KCNA6: variants seen among roughly 807,000 people sequenced by gnomAD.
KCNA6 encodes potassium voltage-gated channel subfamily A member 6.
KCNA6 carries 17 observed loss-of-function variants against 29.5 expected under a neutral mutation model. The ratio of observed to expected loss-of-function variants is 0.58; its 90% confidence interval spans 0.39 to 0.86. The LOEUF is 0.86. Among genes scored for constraint, KCNA6 ranks in the 40% least tolerant of loss-of-function variants. The probability of loss-of-function intolerance (pLI) is 0.00; values close to 1 mark genes in which losing one functional copy is unlikely to be tolerated. For missense variants in KCNA6, 450 were observed against 703.4 expected, an observed-to-expected ratio of 0.64 and a Z score of 4.07; for synonymous variants, 296 against 304.7, an observed-to-expected ratio of 0.97 and a Z score of 0.30.
At chr12:4,837,520 C>T in the KCNA6 span, among the ~76,000 whole-genome samples, 1 of 152,008 alleles carries the variant, frequency 6.6e-6, no homozygotes, top group Non-Finnish European at 1.5e-5. Flanking sequence ...CTGATGCTGT[C>T]TCCAGGTAGA....
chr12:4,833,200 A>G, the KCNA6 span, among the ~76,000 whole-genome samples: 1 of 152,186 alleles, frequency 6.6e-6, no homozygotes, highest in Non-Finnish European at 1.5e-5. Flanking sequence ...AAACACCACC[A>G]TTACTTTATA....
At chr12:4,850,268 G>T in the KCNA6 span, among the ~76,000 whole-genome samples, 13 of 150,284 alleles carry the variant, frequency 8.7e-5, no homozygotes, top group Non-Finnish European at 1.8e-4. This position sits in a 1 kb window ranked among gnomAD's most constrained non-coding sequence, Gnocchi z 5.4. Context: ...AGAGGAACGC[G>T]CCTGACGCTG....
In KCNA6 at chr12:4,811,277, C is replaced by T; in HGVS notation, c.1236C>T (p.Ala412=). Residue 412 remains alanine (A), a synonymous_variant, in exon 1 of 1, where the codon GCC becomes GCT. Coordinates refer to ENST00000280684, the Ensembl canonical transcript of KCNA6. The surrounding 1 kb of genome is among the most constrained non-coding windows in gnomAD (Gnocchi z 7.1). ...CGCTTTTTCCCAGCATCCCGGATGC[C>T]TTCTGGTGGGCAGTGGTTACAATGA... 6.2e-7 allele frequency: 1 copy of T among 1,614,234 alleles called. No homozygotes were observed. Among genetic ancestry groups the T allele is most frequent in the South Asian group, 1.1e-5 (1 of 91,076 alleles).
At chr12:4,818,927 C>T in the KCNA6 span, among the ~76,000 whole-genome samples, 1 of 151,908 alleles carries the variant, frequency 6.6e-6, no homozygotes, top group Non-Finnish European at 1.5e-5. Flanking sequence ...CACATACATA[C>T]ATACACAAAA....
the KCNA6 span, among the ~76,000 whole-genome samples, chr12:4,827,809 T>C: frequency 6.6e-6 from 1 of 152,222 alleles, no homozygotes; most frequent in Admixed American, 6.5e-5. Flanking sequence ...CGGTGTGTGT[T>C]CATCATTCTC....
the KCNA6 span, among the ~76,000 whole-genome samples, chr12:4,821,937 A>G: frequency 6.6e-6 from 1 of 152,062 alleles, no homozygotes; most frequent in African/African-American, 2.4e-5. Context: ...CCCAGGTTCA[A>G]GCGATTCTCC....
exon 1 of KCNA6, chr12:4,813,379 A>G (rs1441187893): frequency 1.8e-5 from 3 of 167,022 alleles, no homozygotes; most frequent in Non-Finnish European, 2.9e-5. Context: ...TGCTATGCAA[A>G]TGTGTGAATC....
At chr12:4,826,285 C>G in the KCNA6 span, among the ~76,000 whole-genome samples, 3 of 152,178 alleles carry the variant, frequency 2.0e-5, no homozygotes, top group Non-Finnish European at 4.4e-5. Context: ...TCTGACCCTC[C>G]TCTGCTCATC....
the KCNA6 span, among the ~76,000 whole-genome samples, chr12:4,849,182 C>T: frequency 6.6e-6 from 1 of 151,954 alleles, no homozygotes; most frequent in Non-Finnish European, 1.5e-5. Flanking sequence ...TCCCTAAGAA[C>T]ATGCTGTAGG....
the KCNA6 span, among the ~76,000 whole-genome samples, chr12:4,831,237 T>G: frequency 6.6e-6 from 1 of 152,230 alleles, no homozygotes; most frequent in Non-Finnish European, 1.5e-5. Context: ...AAAGTGGTCC[T>G]TGAAGTTGCA....
the KCNA6 span, among the ~76,000 whole-genome samples, chr12:4,834,413 A>G: frequency 6.6e-6 from 1 of 152,182 alleles, no homozygotes; most frequent in Non-Finnish European, 1.5e-5. Context: ...TATTAAGCCT[A>G]TAATGTGTGA....
chr12:4,811,553 T>A lies in KCNA6; in HGVS notation c.1512T>A (p.Ala504=), dbSNP rs1463748429. Reference sequence around the variant, plus strand: ...TTGGCAAGCCTGACTTCCCCGAGGCTAACCGGGAACGGAGACCCAGCTACC... The same window carrying A: ...TTGGCAAGCCTGACTTCCCCGAGGCAAACCGGGAACGGAGACCCAGCTACC... The change falls in exon 1 of 1, where the codon GCT becomes GCA. Residue 504 remains alanine (A), a synonymous_variant. Transcript: ENST00000280684. This position sits in a 1 kb window ranked among gnomAD's most constrained non-coding sequence, Gnocchi z 7.1. 5 of 1,614,080 alleles carry A rather than the reference T, an allele frequency of 3.1e-6. No individual in the cohort carries two copies. The highest frequency in any genetic ancestry group is 4.2e-6 in the Non-Finnish European group (5 of 1,180,044).
downstream of KCNA6, chr12:4,814,368 A>G (rs1946661659): frequency 6.0e-6 from 1 of 167,052 alleles, no homozygotes; most frequent in Non-Finnish European, 1.5e-5. This position sits in a 1 kb window ranked among gnomAD's most constrained non-coding sequence, Gnocchi z 4.6. Context: ...ATCTCCGCAG[A>G]GGCAGGCTCT....
chr12:4,832,479 A>G, the KCNA6 span, among the ~76,000 whole-genome samples: 1 of 152,102 alleles, frequency 6.6e-6, no homozygotes, highest in African/African-American at 2.4e-5. Context: ...CTGAGACAAT[A>G]CGCTTTTTGA....
At chr12:4,849,799 G>A in the KCNA6 span, among the ~76,000 whole-genome samples, 1 of 152,182 alleles carries the variant, frequency 6.6e-6, no homozygotes, top group African/African-American at 2.4e-5. Context: ...TGGAGTTTAT[G>A]GAAACCTTAT....
Position 4,810,722 on chromosome 12 carries a change from T to G in KCNA6, c.681T>G (p.Asp227Glu), listed in dbSNP as rs751980975. Residue 227 changes from aspartate to glutamate, a missense_variant, in exon 1 of 1, where the codon GAT becomes GAG. Coordinates refer to ENST00000280684, the Ensembl canonical transcript of KCNA6. This position sits in a 1 kb window ranked among gnomAD's most constrained non-coding sequence, Gnocchi z 7.5. ...GGGGGAGTCAGGAGGAAGAGGAGGA[T>G]GAAGACGATTCCTACACATTTCATC... The G allele has an allele frequency of 1.2e-6, 2 of 1,613,194 alleles. No homozygotes were observed. Among genetic ancestry groups the G allele is most frequent in the Non-Finnish European group, 8.5e-7 (1 of 1,179,520 alleles).
the KCNA6 span, among the ~76,000 whole-genome samples, chr12:4,846,789 TTTAA>T: frequency 8.9e-4 from 89 of 99,660 alleles, no homozygotes; most frequent in African/African-American, 3.2e-3. Context: ...TTTTTTTTTT[TTTAA>T]TTTGAGACGG....
downstream of KCNA6, among the ~76,000 whole-genome samples, chr12:4,817,280 T>A (rs1055621567): frequency 6.6e-6 from 1 of 152,254 alleles, no homozygotes; most frequent in East Asian, 1.9e-4. Flanking sequence ...CAGAACAGGG[T>A]CTGGAGCTTG....
chr12:4,832,366 G>A, the KCNA6 span, among the ~76,000 whole-genome samples: 4 of 152,158 alleles, frequency 2.6e-5, no homozygotes, highest in Non-Finnish European at 4.4e-5. Flanking sequence ...GCGGCAGTGC[G>A]CCCACTGGGT....
Sources: gnomAD v4.1 joint callset for allele counts (sites outside exome capture counted in the v4.1 genomes callset) on GRCh38, gnomAD v4.1.1 for gene constraint, Gnocchi (gnomAD v3.1) non-coding constraint, MANE v1.5 for transcripts, NCBI Gene and HGNC (gene_info 2026-07-23, HGNC 2026-07-21) for gene names.